Variants in DSCAML1 observed in about 807,000 individuals in gnomAD.
DSCAML1 encodes DS cell adhesion molecule like 1.
Under a neutral mutation model 200.5 loss-of-function variants are expected in DSCAML1, and 38 were observed. The ratio of observed to expected loss-of-function variants is 0.19; its 90% CI spans 0.15 to 0.25. The LOEUF is 0.25. Ranked by LOEUF, DSCAML1 falls within the 10% of genes least tolerant of loss-of-function variation. The probability of loss-of-function intolerance (pLI) is 1.00; values close to 1 mark genes in which losing one functional copy is unlikely to be tolerated. For synonymous variants in DSCAML1, 1,215 were observed against 1,165.0 expected (o/e 1.04, Z -0.87); for missense variants, 2,223 against 2,858.8 (o/e 0.78, Z 5.07).
intron 3 of DSCAML1, among the ~76,000 whole-genome samples, chr11:117,744,146 T>A (rs760678748): frequency 1.3e-5 from 2 of 152,244 alleles, no homozygotes; most frequent in African/African-American, 4.8e-5. Context: ...GGTTATCTCA[T>A]TTAAATCTCA....
intron 11 of DSCAML1, among the ~76,000 whole-genome samples, chr11:117,495,935 A>C (rs1418409386): frequency 6.6e-6 from 1 of 152,016 alleles, no homozygotes; most frequent in African/African-American, 2.4e-5. Flanking sequence ...CATACTTCCC[A>C]TTCCTCTAGT....
At chr11:117,797,765 G>A (rs771652745), upstream of DSCAML1, among the ~76,000 whole-genome samples, 5 of 152,200 alleles carry the variant, frequency 3.3e-5, no homozygotes, top group Admixed American at 2.0e-4. Context: ...CCCCTGGCAC[G>A]CTGTTCGAAT....
chr11:117,771,092 A>G (rs1485673960), intron 3 of DSCAML1, among the ~76,000 whole-genome samples: 1 of 152,178 alleles, frequency 6.6e-6, no homozygotes, highest in Admixed American at 6.5e-5. Flanking sequence ...ACATGTTCAT[A>G]GCCTACATGT....
intron 14 of DSCAML1, among the ~76,000 whole-genome samples, chr11:117,479,184 C>T (rs568113851): frequency 5.3e-5 from 8 of 152,310 alleles, no homozygotes; most frequent in Admixed American, 1.3e-4. Flanking sequence ...AGAGGACAGC[C>T]GGCCGGCCAA....
At chr11:117,546,632 C>T (rs1273024204) in intron 3 of DSCAML1, among the ~76,000 whole-genome samples, 1 of 152,074 alleles carries the variant, frequency 6.6e-6, no homozygotes. Context: ...CTTGGGGCAA[C>T]TGAGATCTAG....
rs1055296438 is a variant in DSCAML1 at position 117,776,701 on chromosome 11, G to A, written c.511+90C>T. The A allele has an allele frequency of 1.5e-5, 22 of 1,483,006 alleles. 1 individual carries two copies. Among genetic ancestry groups the A allele is most frequent in the Middle Eastern group, 4.1e-4 (2 of 4,902 alleles). 91.9% of individuals were successfully genotyped at this position (1,483,006 alleles called of 1,614,324 possible). On this transcript the variant is annotated intron_variant, in intron 3 of 32. Transcript: ENST00000651296. ...CCAGAGCCAACCTCAAGATCTTATT[G>A]AGCTCAACAACCAGCTCAGGCATCT...
At position 117,478,893 on chromosome 11, in the gene DSCAML1, G is replaced by A. The variant is rs1056467767; in HGVS notation, c.2785+1550C>T. On this transcript the variant is annotated intron_variant, in intron 14 of 32. Transcript: ENST00000651296. ...TTGGCTGACGCCCCTCCTTGGATCTGTAGCCCTCCTGCACTCAGATTGAAC... is the reference window on the plus strand; with the variant it reads ...TTGGCTGACGCCCCTCCTTGGATCTATAGCCCTCCTGCACTCAGATTGAAC... Among the ~76,000 whole-genome samples the A allele has an allele frequency of 6.6e-5, 10 of 152,122 alleles. No homozygotes were observed. In the East Asian group the frequency reaches 1.9e-3, roughly 29 times the overall value.
At chr11:117,769,291 T>A (rs2054971193) in intron 3 of DSCAML1, among the ~76,000 whole-genome samples, 1 of 3,148 alleles carries the variant, frequency 3.2e-4, no homozygotes, top group East Asian at 0.17. Context: ...ATATATTTTA[T>A]ATATTTATAT....
At chr11:117,777,848 C>T (rs2055159492) in intron 2 of DSCAML1, among the ~76,000 whole-genome samples, 1 of 152,212 alleles carries the variant, frequency 6.6e-6, no homozygotes, top group East Asian at 1.9e-4. Context: ...TCTGCCTCTG[C>T]CTTGTCCTCC....
intron 3 of DSCAML1, among the ~76,000 whole-genome samples, chr11:117,702,696 T>C (rs1017280829): frequency 6.6e-6 from 1 of 152,236 alleles, no homozygotes; most frequent in African/African-American, 2.4e-5. Context: ...AATAATGGTA[T>C]AACAATCAAG....
At chr11:117,563,462 G>A (rs2050701093) in intron 3 of DSCAML1, among the ~76,000 whole-genome samples, 1 of 152,062 alleles carries the variant, frequency 6.6e-6, no homozygotes, top group Non-Finnish European at 1.5e-5. Flanking sequence ...TTAAAAAGCT[G>A]ACAAAAGCCC....
At chr11:117,674,561 G>C (rs78785890) in intron 3 of DSCAML1, among the ~76,000 whole-genome samples, 2,104 of 152,242 alleles carry the variant, frequency 0.014, 22 homozygotes, top group South Asian at 0.025. Context: ...ATATTGATGG[G>C]ATATTTGTCA....
At chr11:117,510,067 G>A (rs2049588900) in intron 8 of DSCAML1, among the ~76,000 whole-genome samples, 1 of 152,246 alleles carries the variant, frequency 6.6e-6, no homozygotes, top group Non-Finnish European at 1.5e-5. Context: ...GTCGAGGCAG[G>A]CCATTCAGTG....
chr11:117,558,532 G>A (rs974470024), intron 3 of DSCAML1, among the ~76,000 whole-genome samples: 1 of 152,232 alleles, frequency 6.6e-6, no homozygotes, highest in African/African-American at 2.4e-5. Context: ...TTGGGAAGCT[G>A]AGGAGGGTGG....
At position 117,437,523 on chromosome 11, in the gene DSCAML1, G is replaced by A; in HGVS notation, c.4433-114C>T. The stretch of plus-strand genomic sequence containing the variant: ...GCAGCTGGGATGGCAGTGGCTCCAG[G>A]AGAATACATGTTTGGCACAGATGGG... On this transcript the variant is annotated intron_variant, in intron 25 of 32. Coordinates refer to ENST00000651296, the MANE Select transcript of DSCAML1 (RefSeq NM_020693.4). This position sits in a 1 kb window ranked among gnomAD's most constrained non-coding sequence, Gnocchi z 5.3. 2 of 1,285,368 alleles carry A rather than the reference G, an allele frequency of 1.6e-6. No homozygotes were observed. Among genetic ancestry groups the A allele is most frequent in the Non-Finnish European group, 2.2e-6 (2 of 924,628 alleles). The allele number at this position is 1,285,368 out of a possible 1,614,324, so 79.6% of individuals were successfully genotyped here. A position where few individuals can be genotyped will look rare whatever the true frequency, so the allele number is the denominator to read the frequency against.
rs1289430521 is a variant in DSCAML1, at chr11:117,709,815, C to G, written c.511+66976G>C. On this transcript the variant is annotated intron_variant, in intron 3 of 32. Transcript: ENST00000651296. ...GTGAAAAAGAATGGACCCTAGGGAG[C>G]TGGTCCCAGCCTGGGACCGAGGGCA... 1.3e-5 allele frequency: 6 copies of G among 453,642 alleles called. No individual in the cohort carries two copies. The East Asian group carries it at 4.2e-4, about 32-fold the overall frequency. 28.1% of individuals were successfully genotyped at this position (453,642 alleles called of 1,614,324 possible).
chr11:117,766,648 C>G (rs757061352), intron 3 of DSCAML1, among the ~76,000 whole-genome samples: 1 of 152,176 alleles, frequency 6.6e-6, no homozygotes, highest in Admixed American at 6.5e-5. Context: ...GGTGTGATCC[C>G]GGGGCAGAGC....
intron 3 of DSCAML1, among the ~76,000 whole-genome samples, chr11:117,650,696 T>TGTGC (rs1555194689): frequency 7.0e-6 from 1 of 142,404 alleles, no homozygotes; most frequent in African/African-American, 2.6e-5. Context: ...TGTGTGTGTG[T>TGTGC]GTGTGCGTGT....
Position 117,458,678 on chromosome 11 carries a change from C to G in DSCAML1, c.3568+76G>C, listed in dbSNP as rs540151992. 10 of 1,561,046 alleles carry G rather than the reference C, an allele frequency of 6.4e-6. No individual in the cohort carries two copies. In the African/African-American group the frequency reaches 1.2e-4, roughly 19 times the overall value. ...GAAAGGACAGTACCCTGCTCTCACC[C>G]TGCCTCCTGGGGTGGGGCTGGGGGT... is the stretch of plus-strand genomic sequence containing the variant. On this transcript the variant is annotated intron_variant, in intron 19 of 32. Coordinates refer to ENST00000651296, the MANE Select transcript of DSCAML1 (RefSeq NM_020693.4).
Sources: allele counts gnomAD v4.1 joint callset (sites outside exome capture counted in the v4.1 genomes callset), GRCh38; gene constraint gnomAD v4.1.1; non-coding constraint Gnocchi (gnomAD v3.1); transcripts MANE v1.5; gene names NCBI Gene and HGNC (gene_info 2026-07-23, HGNC 2026-07-21).